Variants in HDGFL3 observed in about 807,000 individuals in gnomAD.
HDGFL3 encodes hepatoma-derived growth factor-related protein 3.
In HDGFL3, 6 loss-of-function variants were observed where a neutral mutation model predicts 27.6. The ratio of observed to expected loss-of-function variants is 0.22; its 90% confidence interval spans 0.12 to 0.43. The LOEUF (loss-of-function observed/expected upper bound fraction) is 0.43. HDGFL3 is among the 20% of genes least tolerant of loss of function. The pLI is 1.00. For missense variants in HDGFL3, 207 were observed against 250.1 expected, an observed-to-expected ratio of 0.83 and a Z score of 1.16; for synonymous variants, 88 against 88.9, an observed-to-expected ratio of 0.99 and a Z score of 0.05.
chr15:83,177,268 G>A (rs2037324402), intron 1 of HDGFL3, among the ~76,000 whole-genome samples: 1 of 152,190 alleles, frequency 6.6e-6, no homozygotes, highest in Non-Finnish European at 1.5e-5. Flanking sequence ...GAACAAATCA[G>A]ACTGGTTTGA....
At chr15:83,144,419 G>A in intron 5 of HDGFL3, 3 of 456,180 alleles carry the variant, frequency 6.6e-6, no homozygotes, top group Non-Finnish European at 1.3e-5. Flanking sequence ...ACAGAATGAA[G>A]CAAAAGTGAT....
At chr15:83,170,891 A>AC (rs1184489876) in intron 1 of HDGFL3, among the ~76,000 whole-genome samples, 3 of 151,590 alleles carry the variant, frequency 2.0e-5, no homozygotes, top group Admixed American at 6.6e-5. Flanking sequence ...AAAAAAAAAA[A>AC]CAAATAATCT....
Position 83,207,318 on chromosome 15 carries a change from C to T in HDGFL3, c.84+13G>A. ...GGTGGGCGGGCGGGCCCGCGCGCGG[C>T]CGCGGTACTCACCCGGGCCGGCCAG... On this transcript the variant is annotated intron_variant, in intron 1 of 5. Coordinates refer to ENST00000299633, the MANE Select transcript of HDGFL3 (RefSeq NM_016073.4). This position sits in a 1 kb window ranked among gnomAD's most constrained non-coding sequence, Gnocchi z 4.8. The T allele has an allele frequency of 7.4e-7, 1 of 1,355,232 alleles. No individual in the cohort carries two copies. Among genetic ancestry groups the T allele is most frequent in the Non-Finnish European group, 9.5e-7 (1 of 1,049,248 alleles). The allele number at this position is 1,355,232 out of a possible 1,614,324, so 84.0% of individuals were successfully genotyped here. A position where few individuals can be genotyped will look rare whatever the true frequency, so the allele number is the denominator to read the frequency against.
intron 2 of HDGFL3, among the ~76,000 whole-genome samples, chr15:83,162,313 T>C (rs761877012): frequency 1.3e-5 from 2 of 152,126 alleles, no homozygotes; most frequent in Non-Finnish European, 2.9e-5. Context: ...GTAGAATCAA[T>C]GTTATGACAG....
chr15:83,152,068 A>G (rs975619485), intron 4 of HDGFL3, among the ~76,000 whole-genome samples: 2 of 152,160 alleles, frequency 1.3e-5, no homozygotes, highest in Admixed American at 1.3e-4. Context: ...GCTGGCCCCA[A>G]TTGTGCGCCT....
In HDGFL3 at chr15:83,163,991, T is replaced by G; in HGVS notation, c.161+8A>C. 1 of 1,607,796 alleles carries G rather than the reference T, an allele frequency of 6.2e-7. No homozygotes were observed. The highest frequency in any genetic ancestry group is 8.5e-7 in the Non-Finnish European group (1 of 1,174,604). ...CTAGAGCTGTTGAAACTATTTTTGC[T>G]AACTTACGTTTCATGGGTGCCAAAA... On this transcript the variant is annotated splice_region_variant and intron_variant, in intron 2 of 5. Transcript: ENST00000299633.
intron 1 of HDGFL3, among the ~76,000 whole-genome samples, chr15:83,167,676 G>A (rs977968949): frequency 1.3e-5 from 2 of 152,040 alleles, no homozygotes; most frequent in Admixed American, 6.6e-5. Context: ...ACCCAGATTC[G>A]TAAAATAAGT....
exon 4 of HDGFL3, chr15:83,112,833 G>T: frequency 1.9e-6 from 3 of 1,614,156 alleles, no homozygotes; most frequent in Non-Finnish European, 2.5e-6. Flanking sequence ...CCCTCATCCT[G>T]TTCCTGGTAG....
rs542537372 is a variant in HDGFL3 at position 83,128,754 on chromosome 15, A to T, written c.*10516T>A. 6.6e-6 allele frequency: 1 copy of T among 152,230 alleles called. No homozygotes were observed. The highest frequency in any genetic ancestry group is 1.9e-4 in the East Asian group (1 of 5,180). 9.4% of individuals were successfully genotyped at this position (152,230 alleles called of 1,614,324 possible). On this transcript the variant is annotated 3_prime_UTR_variant, in exon 6 of 6. Coordinates refer to ENST00000299633, the MANE Select transcript of HDGFL3 (RefSeq NM_016073.4). ...TTATCTGTTTAAATAGTCCAATTGCATCCAGCAACTCAAGCCAGAAACTTG... is the reference window on the plus strand; with the variant it reads ...TTATCTGTTTAAATAGTCCAATTGCTTCCAGCAACTCAAGCCAGAAACTTG...
intron 1 of HDGFL3, among the ~76,000 whole-genome samples, chr15:83,194,297 A>C (rs767643449): frequency 7.9e-5 from 12 of 152,342 alleles, no homozygotes; most frequent in Non-Finnish European, 1.3e-4. Context: ...GAAATAAGCC[A>C]GTCACAAAAA....
downstream of HDGFL3, chr15:83,126,694 T>A: frequency 3.6e-6 from 5 of 1,399,376 alleles, no homozygotes; most frequent in Non-Finnish European, 5.0e-6. Flanking sequence ...TTTAGCCTTA[T>A]CAGCAAACCT....
At chr15:83,119,602 T>A (rs1169458797) in intron 3 of HDGFL3, 1 of 1,614,224 alleles carries the variant, frequency 6.2e-7, no homozygotes, top group Non-Finnish European at 8.5e-7. Context: ...GAACACCGCA[T>A]ATGGGCACAT....
At chr15:83,206,595 G>C (rs139288395) in intron 1 of HDGFL3, among the ~76,000 whole-genome samples, 1 of 152,260 alleles carries the variant, frequency 6.6e-6, no homozygotes, top group African/African-American at 2.4e-5. Context: ...TGTAGCAGGA[G>C]GCCAAGAATA....
chr15:83,198,500 T>G (rs2037599541), intron 1 of HDGFL3, among the ~76,000 whole-genome samples: 3 of 152,168 alleles, frequency 2.0e-5, no homozygotes, highest in South Asian at 4.1e-4. Flanking sequence ...CTTGAAAATT[T>G]TTTTGTTATA....
chr15:83,203,720 T>C (rs535497376), intron 1 of HDGFL3, among the ~76,000 whole-genome samples: 4 of 151,966 alleles, frequency 2.6e-5, no homozygotes, highest in African/African-American at 7.2e-5. Context: ...TAATAAGTAT[T>C]ATTACTGTTA....
chr15:83,207,513 C>A lies in HDGFL3; in HGVS notation c.-99G>T. On this transcript the variant is annotated 5_prime_UTR_variant, in exon 1 of 6. In the 5' UTR this introduces an upstream ATG that the reference lacks. Transcript: ENST00000299633. The surrounding 1 kb of genome is among the most constrained non-coding windows in gnomAD (Gnocchi z 4.8). ...GAATTGCGCCGCGCTCCCCGCGGGCCTCAAGCCGGGCGGACGAGCGGCCGC... is the reference window on the plus strand; with the variant it reads ...GAATTGCGCCGCGCTCCCCGCGGGCATCAAGCCGGGCGGACGAGCGGCCGC... 1.0e-6 allele frequency: 1 copy of A among 987,760 alleles called. No individual in the cohort carries two copies. Among genetic ancestry groups the A allele is most frequent in the East Asian group, 3.4e-5 (1 of 29,848 alleles). The allele number at this position is 987,760 out of a possible 1,614,324, so 61.2% of individuals were successfully genotyped here.
chr15:83,148,958 A>C (rs528933888), intron 5 of HDGFL3, among the ~76,000 whole-genome samples: 10 of 152,184 alleles, frequency 6.6e-5, no homozygotes, highest in Non-Finnish European at 1.2e-4. Flanking sequence ...TGGAAAGAAT[A>C]CGTAAATAGA....
Position 83,207,433 on chromosome 15 carries a change from T to A in HDGFL3, c.-19A>T. ...GCGCCATCCCAGCCGCTCCCCTTCC[T>A]GGTAGTCCTTGGTCGCCGCGAAGAT... is the stretch of plus-strand genomic sequence containing the variant. On this transcript the variant is annotated 5_prime_UTR_variant, in exon 1 of 6. Coordinates refer to ENST00000299633, the MANE Select transcript of HDGFL3 (RefSeq NM_016073.4). The surrounding 1 kb of genome is among the most constrained non-coding windows in gnomAD (Gnocchi z 4.8). The A allele has an allele frequency of 7.8e-7, 1 of 1,288,968 alleles. No individual in the cohort carries two copies. The highest frequency in any genetic ancestry group is 9.9e-7 in the Non-Finnish European group (1 of 1,009,874). The allele number at this position is 1,288,968 out of a possible 1,614,324, so 79.8% of individuals were successfully genotyped here. A position where few individuals can be genotyped will look rare whatever the true frequency, so the allele number is the denominator to read the frequency against.
intron 1 of HDGFL3, among the ~76,000 whole-genome samples, chr15:83,201,749 AAT>A (rs1456920250): frequency 6.6e-6 from 1 of 152,176 alleles, no homozygotes; most frequent in African/African-American, 2.4e-5. Flanking sequence ...ATGTGCCAGG[AAT>A]AGAGACTCAT....
Sources: allele counts gnomAD v4.1 joint callset (sites outside exome capture counted in the v4.1 genomes callset), GRCh38; gene constraint gnomAD v4.1.1; non-coding constraint Gnocchi (gnomAD v3.1); transcripts MANE v1.5; gene names NCBI Gene and HGNC (gene_info 2026-07-23, HGNC 2026-07-21).